The following NSUN3 variants were observed in gnomAD, a reference collection of about 807,000 sequenced individuals.
NSUN3 encodes the protein tRNA (cytosine(34)-C(5))-methyltransferase, mitochondrial.
In NSUN3, 24 loss-of-function variants were observed where a neutral mutation model predicts 36.8. The observed-to-expected ratio is 0.65, with a 90% CI of 0.47 to 0.92. The LOEUF is 0.92. Among genes scored for constraint, NSUN3 ranks in the 40% least tolerant of loss-of-function variants. The pLI, the probability that NSUN3 is intolerant of heterozygous loss-of-function variation, is 0.00. For missense variants in NSUN3, 381 were observed against 392.8 expected (o/e 0.97, Z 0.25); for synonymous variants, 146 against 145.2 (o/e 1.01, Z -0.04).
intron 2 of NSUN3, among the ~76,000 whole-genome samples, chr3:94,065,665 T>C (rs2077201491): frequency 6.6e-6 from 1 of 152,214 alleles, no homozygotes; most frequent in African/African-American, 2.4e-5. Context: ...TTTAGGACAA[T>C]TAAGCTGTTA....
rs191233214 is a variant in NSUN3 at position 94,097,885 on chromosome 3, A to T, written c.743+2731A>T. Among the ~76,000 whole-genome samples the T allele has an allele frequency of 6.6e-5, 10 of 152,224 alleles. No homozygotes were observed. In the East Asian group the frequency reaches 1.7e-3, roughly 26 times the overall value. On this transcript the variant is annotated intron_variant, in intron 5 of 5. Transcript: ENST00000314622. ...TTTCTCTATCTGATGGCTTCAACTG[A>T]TATCTCCCAATACATGAGCTTAGAC... is the stretch of plus-strand genomic sequence containing the variant.
intron 2 of NSUN3, among the ~76,000 whole-genome samples, chr3:94,074,600 CTGTT>C (rs1388218016): frequency 7.9e-5 from 12 of 152,084 alleles, no homozygotes; most frequent in Non-Finnish European, 1.5e-4. Flanking sequence ...ATTTGGCTGT[CTGTT>C]TGTCTGTTAT....
chr3:94,068,514 A>G (rs1195496239), intron 2 of NSUN3, among the ~76,000 whole-genome samples: 1 of 152,204 alleles, frequency 6.6e-6, no homozygotes, highest in Non-Finnish European at 1.5e-5. Flanking sequence ...TGTACTAGGC[A>G]TTGTGCTAAG....
chr3:94,107,789 T>G (rs960550020), intron 5 of NSUN3, among the ~76,000 whole-genome samples: 6 of 152,232 alleles, frequency 3.9e-5, no homozygotes, highest in East Asian at 3.9e-4. Context: ...AAAGTCAAGT[T>G]TACTTTAAAA....
chr3:94,119,746 A>AT (rs1560042092), intron 5 of NSUN3, among the ~76,000 whole-genome samples: 1 of 152,282 alleles, frequency 6.6e-6, no homozygotes, highest in African/African-American at 2.4e-5. Flanking sequence ...TTTAAAATAC[A>AT]TAACTACTGA....
In NSUN3 at chr3:94,117,300, T is replaced by C. The variant is rs2077444627; in HGVS notation, c.744-8911T>C. Among the ~76,000 whole-genome samples the C allele has an allele frequency of 3.3e-5, 5 of 152,128 alleles. No homozygotes were observed. In the South Asian group the frequency reaches 1.0e-3, roughly 32 times the overall value. ...CAGACGTGAGTCACCACGCCCGGCC[T>C]CACAACTTAATTTTTAAAAACCTGT... On this transcript the variant is annotated intron_variant, in intron 5 of 5. Transcript: ENST00000314622.
chr3:94,070,616 T>G (rs2077221704), intron 2 of NSUN3, among the ~76,000 whole-genome samples: 1 of 152,182 alleles, frequency 6.6e-6, no homozygotes, highest in Admixed American at 6.5e-5. Flanking sequence ...TTCAGAAAAT[T>G]ACTCTGCCCC....
chr3:94,128,803 C>A lies in NSUN3; in HGVS notation c.*2313C>A, dbSNP rs891050933. 6.6e-6 allele frequency among the ~76,000 whole-genome samples: 1 copy of A among 151,896 alleles called. No individual in the cohort carries two copies. Among genetic ancestry groups the A allele is most frequent in the African/African-American group, 2.4e-5 (1 of 41,350 alleles). ...GGAACTTAAATCAGCAAGCAAAAAA[C>A]AAATAACCCTATTAAAAACTGAGCA... On this transcript the variant is annotated 3_prime_UTR_variant, in exon 6 of 6. Coordinates refer to ENST00000314622, the MANE Select transcript of NSUN3 (RefSeq NM_022072.5).
At chr3:94,108,361 G>A (rs945428437) in intron 5 of NSUN3, among the ~76,000 whole-genome samples, 1 of 152,064 alleles carries the variant, frequency 6.6e-6, no homozygotes, top group African/African-American at 2.4e-5. Context: ...TTTTTTGTTT[G>A]TTTGTTTTAT....
In NSUN3 at chr3:94,124,985, C is replaced by T. The variant is rs568491113; in HGVS notation, c.744-1226C>T. ...CCACCTTGTCTCATTTTCAGTCAGT[C>T]TGTTACTGTTGTACTTTTTGTGGAG... On this transcript the variant is annotated intron_variant, in intron 5 of 5. Transcript: ENST00000314622. Among the ~76,000 whole-genome samples, 13 of 152,250 alleles carry T rather than the reference C, an allele frequency of 8.5e-5. No homozygotes were observed. In the East Asian group the frequency reaches 2.5e-3, roughly 29 times the overall value.
chr3:94,123,687 C>T (rs2077473484), intron 5 of NSUN3, among the ~76,000 whole-genome samples: 1 of 152,114 alleles, frequency 6.6e-6, no homozygotes, highest in African/African-American at 2.4e-5. Flanking sequence ...TCACCTTGCT[C>T]CAGCCACACT....
intron 2 of NSUN3, among the ~76,000 whole-genome samples, chr3:94,071,373 A>G (rs2077224269): frequency 6.6e-6 from 1 of 152,220 alleles, no homozygotes; most frequent in African/African-American, 2.4e-5. Context: ...AGATGAAGTT[A>G]TATGAAGTAG....
intron 5 of NSUN3, among the ~76,000 whole-genome samples, chr3:94,114,471 A>C (rs752154405): frequency 1.3e-5 from 2 of 152,202 alleles, no homozygotes; most frequent in African/African-American, 2.4e-5. Context: ...AAGTAAACAT[A>C]AGGTAGTATT....
intron 2 of NSUN3, among the ~76,000 whole-genome samples, chr3:94,065,755 T>C (rs762501057): frequency 6.6e-6 from 1 of 152,218 alleles, no homozygotes. Context: ...CAAATGGGTA[T>C]TTTCTGTCAC....
At chr3:94,089,364 C>A (rs2077305528) in intron 3 of NSUN3, among the ~76,000 whole-genome samples, 1 of 152,080 alleles carries the variant, frequency 6.6e-6, no homozygotes, top group African/African-American at 2.4e-5. Flanking sequence ...CCACAGTTGT[C>A]ACACTAAAGT....
At chr3:94,082,109 TC>T (rs1227848983) in intron 2 of NSUN3, 1 of 152,192 alleles carries the variant, frequency 6.6e-6, no homozygotes, top group East Asian at 1.9e-4. Context: ...GTGTTTCCGA[TC>T]ATTTTTTTAT....
At chr3:94,094,883 A>T (rs960479727) in intron 4 of NSUN3, 150 bp from the exon 5 acceptor site, 1 of 729,648 alleles carries the variant, frequency 1.4e-6, no homozygotes, top group African/African-American at 1.8e-5. Flanking sequence ...CATAAGGAAA[A>T]ACCTACTGTG....
chr3:94,109,431 T>C (rs1441510922), intron 5 of NSUN3, among the ~76,000 whole-genome samples: 2 of 152,208 alleles, frequency 1.3e-5, no homozygotes, highest in Non-Finnish European at 2.9e-5. Context: ...AGATTTATTA[T>C]TGGAATTAGA....
intron 5 of NSUN3, among the ~76,000 whole-genome samples, chr3:94,109,151 G>C (rs558018563): frequency 7.4e-4 from 112 of 152,292 alleles, no homozygotes; most frequent in African/African-American, 2.6e-3. Context: ...GCTCTGAAGT[G>C]GGTCTAGGTG....
Sources: allele counts gnomAD v4.1 joint callset (sites outside exome capture counted in the v4.1 genomes callset), GRCh38; gene constraint gnomAD v4.1.1; transcripts MANE v1.5; gene names NCBI Gene and HGNC (gene_info 2026-07-23, HGNC 2026-07-21).